SMAD2: variants seen among roughly 807,000 people sequenced by gnomAD.
The protein encoded by SMAD2 is SMAD family member 2, also known as MAD homolog 2.
Under a neutral mutation model 64.4 loss-of-function variants are expected in SMAD2, and 8 were observed. The ratio of observed to expected loss-of-function variants is 0.12; its 90% CI spans 0.07 to 0.22. The LOEUF is 0.22. Among genes scored for constraint, SMAD2 ranks in the 10% least tolerant of loss-of-function variants. The pLI is 1.00. For missense variants in SMAD2, 289 were observed against 561.2 expected, an observed-to-expected ratio of 0.51 and a Z score of 4.90; for synonymous variants, 203 against 195.8, an observed-to-expected ratio of 1.04 and a Z score of -0.31.
intron 8 of SMAD2, among the ~76,000 whole-genome samples, chr18:47,846,470 G>C (rs1365650814): frequency 3.9e-5 from 6 of 152,114 alleles, no homozygotes; most frequent in Non-Finnish European, 2.9e-5. Context: ...TCAAACACTA[G>C]GTGCTGCTGT....
Position 47,835,851 on chromosome 18 carries a change from T to C in SMAD2, c.*5976A>G, listed in dbSNP as rs756980163. The stretch of plus-strand genomic sequence containing the variant: ...AAAATAAGTAAATCAAAGAGCATAT[T>C]TGGAGAAACTAAGAGCTGTTAACTG... On this transcript the variant is annotated 3_prime_UTR_variant, in exon 11 of 11. Coordinates refer to ENST00000262160, the MANE Select transcript of SMAD2 (RefSeq NM_005901.6). 36 of 200,804 alleles carry C rather than the reference T, an allele frequency of 1.8e-4. No homozygotes were observed. The highest frequency in any genetic ancestry group is 5.7e-4 in the African/African-American group (25 of 43,668). The allele number at this position is 200,804 out of a possible 1,614,324, so 12.4% of individuals were successfully genotyped here.
chr18:47,856,808 A>C (rs900454197), intron 6 of SMAD2, among the ~76,000 whole-genome samples: 3 of 151,864 alleles, frequency 2.0e-5, no homozygotes, highest in Non-Finnish European at 4.4e-5. Context: ...TGCTAGATGC[A>C]ATTACATATA....
In SMAD2 at chr18:47,841,510, T is replaced by C. The variant is rs1913950899; in HGVS notation, c.*317A>G. Reference sequence around the variant, plus strand: ...ACAATACTGTGATACTGGATCATGATACATTACCTGTACACATAACTACTA... The same window carrying C: ...ACAATACTGTGATACTGGATCATGACACATTACCTGTACACATAACTACTA... On this transcript the variant is annotated 3_prime_UTR_variant, in exon 11 of 11. Coordinates refer to ENST00000262160, the MANE Select transcript of SMAD2 (RefSeq NM_005901.6). The C allele has an allele frequency of 6.7e-6, 3 of 449,446 alleles. No individual in the cohort carries two copies. The highest frequency in any genetic ancestry group is 4.5e-5 in the South Asian group (2 of 44,008). The allele number at this position is 449,446 out of a possible 1,614,324, so 27.8% of individuals were successfully genotyped here.
chr18:47,816,078 C>T lies in SMAD2; in HGVS notation c.*25749G>A, dbSNP rs938494639. The T allele has an allele frequency of 6.6e-6, 1 of 152,172 alleles. No homozygotes were observed. Among genetic ancestry groups the T allele is most frequent in the Non-Finnish European group, 1.5e-5 (1 of 68,036 alleles). 9.4% of individuals were successfully genotyped at this position (152,172 alleles called of 1,614,324 possible). The stretch of plus-strand genomic sequence containing the variant: ...AGAGTCACCTAAGAGACGGTAAACA[C>T]ATACCTCATGTCTTGGCTTCTAGAG... On this transcript the variant is annotated 3_prime_UTR_variant, in exon 11 of 11. Transcript: ENST00000262160.
In SMAD2 at chr18:47,839,679, T is replaced by C. The variant is rs1380080827; in HGVS notation, c.*2148A>G. On this transcript the variant is annotated 3_prime_UTR_variant, in exon 11 of 11. Coordinates refer to ENST00000262160, the MANE Select transcript of SMAD2 (RefSeq NM_005901.6). The stretch of plus-strand genomic sequence containing the variant: ...GCCACCTTCAAAATGTTATGAACTG[T>C]AGAACCATTCTGATCTTCAAGTTTG... The C allele has an allele frequency of 4.3e-6, 1 of 233,338 alleles. No individual in the cohort carries two copies. 14.5% of individuals were successfully genotyped at this position (233,338 alleles called of 1,614,324 possible).
At chr18:47,909,325 G>C (rs1598879080) in intron 1 of SMAD2, among the ~76,000 whole-genome samples, 2 of 152,292 alleles carry the variant, frequency 1.3e-5, no homozygotes, top group Middle Eastern at 6.8e-3. Context: ...GAAATCAAAA[G>C]ATGGTTGAGA....
rs184610664 is a variant in SMAD2, at chr18:47,837,379, G to A, written c.*4448C>T. 1.3e-3 allele frequency: 253 copies of A among 190,376 alleles called. No homozygotes were observed. The highest frequency in any genetic ancestry group is 5.5e-3 in the African/African-American group (237 of 42,962). 11.8% of individuals were successfully genotyped at this position (190,376 alleles called of 1,614,324 possible). On this transcript the variant is annotated 3_prime_UTR_variant, in exon 11 of 11. Transcript: ENST00000262160. Reference sequence around the variant, plus strand: ...AGATCGAGACCATCCTGGCCAACACGGTGAAACCCCGTCTCTACTAAAAAT... The same window carrying A: ...AGATCGAGACCATCCTGGCCAACACAGTGAAACCCCGTCTCTACTAAAAAT...
rs1472760804 is a variant in SMAD2 at position 47,822,347 on chromosome 18, C to T, written c.*19480G>A. Reference sequence around the variant, plus strand: ...ATCAGATTCATGGAAAAGATGCTAACACACTTTTAAATACAGGTTACTAAT... The same window carrying T: ...ATCAGATTCATGGAAAAGATGCTAATACACTTTTAAATACAGGTTACTAAT... On this transcript the variant is annotated 3_prime_UTR_variant, in exon 11 of 11. Transcript: ENST00000262160. 2 of 152,156 alleles carry T rather than the reference C, an allele frequency of 1.3e-5. No homozygotes were observed. The highest frequency in any genetic ancestry group is 6.5e-5 in the Admixed American group (1 of 15,278). 9.4% of individuals were successfully genotyped at this position (152,156 alleles called of 1,614,324 possible). A position where few individuals can be genotyped will look rare whatever the true frequency, so the allele number is the denominator to read the frequency against.
chr18:47,847,641 AAAAT>A (rs888051765), intron 8 of SMAD2, among the ~76,000 whole-genome samples: 6 of 151,582 alleles, frequency 4.0e-5, no homozygotes, highest in Non-Finnish European at 8.8e-5. Context: ...AAAAAAAAAA[AAAAT>A]AGAGTGGCAA....
intron 6 of SMAD2, among the ~76,000 whole-genome samples, chr18:47,860,980 G>A (rs2031133333): frequency 6.6e-6 from 1 of 152,088 alleles, no homozygotes; most frequent in South Asian, 2.1e-4. Context: ...ATGCAAAAAT[G>A]TCCATTCTTA....
At chr18:47,841,995 C>T (rs1913996909) in intron 10 of SMAD2, 45 bp from the exon 11 acceptor site, 8 of 1,610,598 alleles carry the variant, frequency 5.0e-6, no homozygotes, top group East Asian at 2.2e-5. Flanking sequence ...TTCAAGTCCA[C>T]AGGCAGGGAA....
At chr18:47,914,964 T>C (rs1162366965) in intron 1 of SMAD2, among the ~76,000 whole-genome samples, 5 of 152,286 alleles carry the variant, frequency 3.3e-5, no homozygotes, top group Middle Eastern at 3.4e-3. Context: ...TTATTATCTA[T>C]TGATAAGTTG....
At chr18:47,877,425 T>C (rs1315787399) in intron 2 of SMAD2, among the ~76,000 whole-genome samples, 1 of 152,088 alleles carries the variant, frequency 6.6e-6, no homozygotes, top group East Asian at 1.9e-4. Context: ...AGACTAAAAG[T>C]TTAGATTTAA....
chr18:47,824,702 C>T lies in SMAD2; in HGVS notation c.*17125G>A, dbSNP rs1912687843. 1 of 152,062 alleles carries T rather than the reference C, an allele frequency of 6.6e-6. No homozygotes were observed. Among genetic ancestry groups the T allele is most frequent in the African/African-American group, 2.4e-5 (1 of 41,396 alleles). 9.4% of individuals were successfully genotyped at this position (152,062 alleles called of 1,614,324 possible). A position where few individuals can be genotyped will look rare whatever the true frequency, so the allele number is the denominator to read the frequency against. ...ATCTGCTTCCAAACACACTAAAGTA[C>T]AGTATACTCAATTTTAAATATAGAC... On this transcript the variant is annotated 3_prime_UTR_variant, in exon 11 of 11. Transcript: ENST00000262160.
rs1913787138 is a variant in SMAD2, at chr18:47,840,007, A to G, written c.*1820T>C. 4.3e-6 allele frequency: 1 copy of G among 233,100 alleles called. No homozygotes were observed. The highest frequency in any genetic ancestry group is 1.8e-4 in the South Asian group (1 of 5,534). 14.4% of individuals were successfully genotyped at this position (233,100 alleles called of 1,614,324 possible). A position where few individuals can be genotyped will look rare whatever the true frequency, so the allele number is the denominator to read the frequency against. ...AACTGCTGTCTCAGCAAAGGCAGGAACTGTAGTTGTCTTGTTCACCTTTAC... is the reference window on the plus strand; with the variant it reads ...AACTGCTGTCTCAGCAAAGGCAGGAGCTGTAGTTGTCTTGTTCACCTTTAC... On this transcript the variant is annotated 3_prime_UTR_variant, in exon 11 of 11. Coordinates refer to ENST00000262160, the MANE Select transcript of SMAD2 (RefSeq NM_005901.6).
At position 47,818,921 on chromosome 18, in the gene SMAD2, C is replaced by T. The variant is rs1360277286; in HGVS notation, c.*22906G>A. On this transcript the variant is annotated 3_prime_UTR_variant, in exon 11 of 11. Coordinates refer to ENST00000262160, the MANE Select transcript of SMAD2 (RefSeq NM_005901.6). ...TAACTGTCTTTTATAAACCAGCAAGCCTGTATTACTATCGTATGACTAAAA... is the reference window on the plus strand; with the variant it reads ...TAACTGTCTTTTATAAACCAGCAAGTCTGTATTACTATCGTATGACTAAAA... 4 of 152,278 alleles carry T rather than the reference C, an allele frequency of 2.6e-5. No homozygotes were observed. Among genetic ancestry groups the T allele is most frequent in the African/African-American group, 2.4e-5 (1 of 41,546 alleles). The allele number at this position is 152,278 out of a possible 1,614,324, so 9.4% of individuals were successfully genotyped here. A position where few individuals can be genotyped will look rare whatever the true frequency, so the allele number is the denominator to read the frequency against.
chr18:47,921,426 G>A (rs2034555845), intron 1 of SMAD2, among the ~76,000 whole-genome samples: 1 of 152,120 alleles, frequency 6.6e-6, no homozygotes, highest in Non-Finnish European at 1.5e-5. Flanking sequence ...ACTCTTCACT[G>A]GGTATCCCTG....
In SMAD2 at chr18:47,811,333, G is replaced by A. The variant is rs1382287675; in HGVS notation, c.*30494C>T. ...AAAAATACAAAAATTAGCCAGGCGT[G>A]GCGGCGTGCACCTATAGTCCCAGCT... On this transcript the variant is annotated 3_prime_UTR_variant, in exon 11 of 11. Coordinates refer to ENST00000262160, the MANE Select transcript of SMAD2 (RefSeq NM_005901.6). 1 of 152,268 alleles carries A rather than the reference G, an allele frequency of 6.6e-6. No individual in the cohort carries two copies. Among genetic ancestry groups the A allele is most frequent in the Non-Finnish European group, 1.5e-5 (1 of 68,182 alleles). 9.4% of individuals were successfully genotyped at this position (152,268 alleles called of 1,614,324 possible).
Position 47,839,512 on chromosome 18 carries a change from C to T in SMAD2, c.*2315G>A. ...CAAAGTCTGGAAGCAAGCAGCAGGG[C>T]ACTAAAACAGTGAGAGCTTACACAA... On this transcript the variant is annotated 3_prime_UTR_variant, in exon 11 of 11. Coordinates refer to ENST00000262160, the MANE Select transcript of SMAD2 (RefSeq NM_005901.6). 1 of 233,234 alleles carries T rather than the reference C, an allele frequency of 4.3e-6. No individual in the cohort carries two copies. Among genetic ancestry groups the T allele is most frequent in the African/African-American group, 2.2e-5 (1 of 45,440 alleles). 14.4% of individuals were successfully genotyped at this position (233,234 alleles called of 1,614,324 possible). A position where few individuals can be genotyped will look rare whatever the true frequency, so the allele number is the denominator to read the frequency against.
Sources: gnomAD v4.1 joint callset for allele counts (sites outside exome capture counted in the v4.1 genomes callset) on GRCh38, gnomAD v4.1.1 for gene constraint, MANE v1.5 for transcripts, NCBI Gene and HGNC (gene_info 2026-07-23, HGNC 2026-07-21) for gene names.